ESRRB: variants seen among roughly 807,000 people sequenced by gnomAD.
The protein encoded by ESRRB is steroid hormone receptor ERR2.
In ESRRB, 16 loss-of-function variants were observed where a neutral mutation model predicts 46.0. That is an observed-to-expected ratio of 0.35 (90% CI 0.24 to 0.53). The LOEUF (loss-of-function observed/expected upper bound fraction) is 0.53. Among genes scored for constraint, ESRRB ranks in the 20% least tolerant of loss-of-function variants. ESRRB has a pLI of 0.93. For missense variants in ESRRB, 488 were observed against 607.4 expected, an observed-to-expected ratio of 0.80 and a Z score of 2.07; for synonymous variants, 246 against 259.6, an observed-to-expected ratio of 0.95 and a Z score of 0.50.
At chr14:76,345,709 A>G (rs1376306568) in intron 1 of ESRRB, among the ~76,000 whole-genome samples, 1 of 152,214 alleles carries the variant, frequency 6.6e-6, no homozygotes, top group Non-Finnish European at 1.5e-5. Flanking sequence ...ACCCAGAGGA[A>G]AAGTGTTGTG....
chr14:76,366,405 G>C (rs991030707), upstream of ESRRB, among the ~76,000 whole-genome samples: 1 of 152,122 alleles, frequency 6.6e-6, no homozygotes, highest in Non-Finnish European at 1.5e-5. Context: ...CACCAAAACC[G>C]GCCTTCAACA....
intron 2 of ESRRB, among the ~76,000 whole-genome samples, chr14:76,446,331 AT>A (rs1331849855): frequency 6.6e-6 from 1 of 150,850 alleles, no homozygotes; most frequent in Non-Finnish European, 1.5e-5. Flanking sequence ...ACCCTGCCCA[AT>A]TCTATGCTAT....
intron 1 of ESRRB, among the ~76,000 whole-genome samples, chr14:76,399,895 G>A (rs988061549): frequency 1.3e-5 from 2 of 152,186 alleles, no homozygotes; most frequent in Non-Finnish European, 2.9e-5. Context: ...GAGCAAACTC[G>A]GTGGGAGGTC....
intron 1 of ESRRB, among the ~76,000 whole-genome samples, chr14:76,344,513 C>T (rs569421057): frequency 6.6e-6 from 1 of 151,832 alleles, no homozygotes; most frequent in Non-Finnish European, 1.5e-5. Flanking sequence ...TCAGTGAGAA[C>T]ATATGATGTT....
chr14:76,407,856 G>C (rs1886257269), intron 1 of ESRRB, among the ~76,000 whole-genome samples: 1 of 152,230 alleles, frequency 6.6e-6, no homozygotes, highest in African/African-American at 2.4e-5. Context: ...CTGAAAGCCA[G>C]ACAGAGCCTC....
chr14:76,462,753 G>T, intron 3 of ESRRB, 92 bp downstream of exon 3: 1 of 967,364 alleles, frequency 1.0e-6, no homozygotes. Context: ...CTGTGGACCT[G>T]TGTCCCAGGG....
upstream of ESRRB, among the ~76,000 whole-genome samples, chr14:76,370,163 G>C (rs1348983250): frequency 6.6e-6 from 1 of 151,732 alleles, no homozygotes; most frequent in Non-Finnish European, 1.5e-5. Flanking sequence ...GGCTAAGGAT[G>C]GATTACCTGA....
chr14:76,388,947 C>T (rs916698704), intron 1 of ESRRB, among the ~76,000 whole-genome samples: 18 of 152,278 alleles, frequency 1.2e-4, no homozygotes, highest in Admixed American at 9.1e-4. Context: ...CTTGGATTCC[C>T]GCAGGCACCA....
In ESRRB at chr14:76,500,615, C is replaced by G; in HGVS notation, c.*2157C>G. The G allele has an allele frequency of 6.7e-7, 1 of 1,481,674 alleles. No homozygotes were observed. Among genetic ancestry groups the G allele is most frequent in the Non-Finnish European group, 9.4e-7 (1 of 1,061,244 alleles). The allele number at this position is 1,481,674 out of a possible 1,614,324, so 91.8% of individuals were successfully genotyped here. A position where few individuals can be genotyped will look rare whatever the true frequency, so the allele number is the denominator to read the frequency against. On this transcript the variant is annotated 3_prime_UTR_variant, in exon 7 of 7. Transcript: ENST00000644823. Reference sequence around the variant, plus strand: ...AGCGGGGCCGAGGTAGCACCCTGCTCTGTCACTTCCTGCTCAAGCTGGAGG... The same window carrying G: ...AGCGGGGCCGAGGTAGCACCCTGCTGTGTCACTTCCTGCTCAAGCTGGAGG...
chr14:76,328,611 C>T (rs1016709116), intron 1 of ESRRB, among the ~76,000 whole-genome samples: 1 of 149,244 alleles, frequency 6.7e-6, no homozygotes, highest in Non-Finnish European at 1.5e-5. Context: ...GCCCTTGAGT[C>T]CCATGCACCA....
chr14:76,449,318 G>A (rs150842710), intron 2 of ESRRB, among the ~76,000 whole-genome samples: 46 of 152,238 alleles, frequency 3.0e-4, no homozygotes, highest in Admixed American at 2.7e-3. Flanking sequence ...TTGGGAGGCC[G>A]AGGCGGGTGG....
At chr14:76,454,255 C>T (rs530900977) in intron 2 of ESRRB, among the ~76,000 whole-genome samples, 39 of 152,080 alleles carry the variant, frequency 2.6e-4, no homozygotes, top group Non-Finnish European at 3.4e-4. Context: ...GCTTTCAATT[C>T]GTTTGCATTC....
chr14:76,316,749 G>GA (rs58419416), intron 1 of ESRRB, among the ~76,000 whole-genome samples: 14,596 of 150,100 alleles, frequency 0.097, 846 homozygotes, highest in East Asian at 0.23. Context: ...CTCTGTCCAG[G>GA]AAAAAAAAAT....
intron 2 of ESRRB, among the ~76,000 whole-genome samples, chr14:76,458,450 AC>A (rs1888708277): frequency 1.8e-5 from 2 of 110,552 alleles, no homozygotes; most frequent in African/African-American, 7.3e-5. Flanking sequence ...ACACACACAC[AC>A]ACACACACAC....
intron 1 of ESRRB, among the ~76,000 whole-genome samples, chr14:76,433,157 A>C (rs1169366742): frequency 6.6e-6 from 1 of 152,150 alleles, no homozygotes; most frequent in African/African-American, 2.4e-5. Flanking sequence ...GCTTCTTCAA[A>C]ATATGACGTC....
intron 1 of ESRRB, among the ~76,000 whole-genome samples, chr14:76,324,547 C>T (rs1883905193): frequency 6.6e-6 from 1 of 152,162 alleles, no homozygotes. Context: ...CCATGAGCTT[C>T]CATCTCTCTC....
chr14:76,317,897 A>T (rs1883821006), intron 1 of ESRRB, among the ~76,000 whole-genome samples: 1 of 152,206 alleles, frequency 6.6e-6, no homozygotes, highest in African/African-American at 2.4e-5. Context: ...AAGATAGGTT[A>T]TCCAGCCTGT....
At chr14:76,335,666 T>C (rs371183153) in intron 1 of ESRRB, among the ~76,000 whole-genome samples, 2 of 152,130 alleles carry the variant, frequency 1.3e-5, no homozygotes, top group South Asian at 4.1e-4. Context: ...TGCTGGTTGG[T>C]GGGTTCTAAG....
chr14:76,437,095 G>T (rs907239947), intron 1 of ESRRB, among the ~76,000 whole-genome samples: 1 of 152,086 alleles, frequency 6.6e-6, no homozygotes, highest in South Asian at 2.1e-4. Flanking sequence ...GCAGTAGCCC[G>T]ATCTCGGCTC....
Sources: gnomAD v4.1 joint callset for allele counts (sites outside exome capture counted in the v4.1 genomes callset) on GRCh38, gnomAD v4.1.1 for gene constraint, MANE v1.5 for transcripts, NCBI Gene and HGNC (gene_info 2026-07-23, HGNC 2026-07-21) for gene names.